SLC30A6: variants seen among roughly 807,000 people sequenced by gnomAD.
SLC30A6 encodes the protein solute carrier family 30 member 6.
In SLC30A6, 55 loss-of-function variants were observed where a neutral mutation model predicts 63.0. That is an observed-to-expected ratio of 0.87 (90% confidence interval 0.70 to 1.09). The LOEUF (loss-of-function observed/expected upper bound fraction) is 1.09. Ranked by LOEUF, SLC30A6 falls within the 50% of genes least tolerant of loss-of-function variation. The pLI, the probability that SLC30A6 is intolerant of heterozygous loss-of-function variation, is 0.00. For synonymous variants in SLC30A6, 224 were observed against 186.1 expected, an observed-to-expected ratio of 1.20 and a Z score of -1.66; for missense variants, 587 against 549.2, an observed-to-expected ratio of 1.07 and a Z score of -0.69.
intron 6 of SLC30A6, 146 bp downstream of exon 6, chr2:32,192,562 C>T (rs923887963): frequency 3.1e-6 from 2 of 645,766 alleles, no homozygotes; most frequent in South Asian, 2.3e-5. Flanking sequence ...CTTTATGTTT[C>T]AGACTTTTTC....
At position 32,220,295 on chromosome 2, in the gene SLC30A6, T is replaced by C; in HGVS notation, c.968T>C (p.Leu323Pro). The part of the protein sequence containing the change: ...LAHVTNRLYT[L>P]VSTLTVQIFK... ...CATGTGACCAACAGGCTGTACACTC[T>C]AGTGTCTACTCTAACTGTTCAAATT... Residue 323 changes from leucine (L) to proline (P), a missense_variant, in exon 14 of 14, where the codon CTA (leucine) becomes CCA (proline). Physicochemically the swap from Leu to Pro is moderately conservative, Grantham distance 98 (BLOSUM62 -3). Transcript: ENST00000282587. 12 of 1,614,230 alleles carry C rather than the reference T, an allele frequency of 7.4e-6. No homozygotes were observed. Among genetic ancestry groups the C allele is most frequent in the Admixed American group, 1.7e-5 (1 of 60,030 alleles).
chr2:32,216,757 GT>G (rs1022433466), intron 13 of SLC30A6, among the ~76,000 whole-genome samples: 28 of 151,644 alleles, frequency 1.8e-4, no homozygotes, highest in Admixed American at 4.6e-4. Context: ...TAATGGGGTT[GT>G]TTTTTGCTTG....
chr2:32,206,836 A>G, intron 11 of SLC30A6, 50 bp from the exon 12 acceptor site: 1 of 1,504,136 alleles, frequency 6.6e-7, no homozygotes, highest in Non-Finnish European at 9.3e-7. Flanking sequence ...CATTGTTGGC[A>G]AACTTTTTTC....
At chr2:32,169,197 A>G (rs1680950089) in intron 1 of SLC30A6, among the ~76,000 whole-genome samples, 1 of 152,092 alleles carries the variant, frequency 6.6e-6, no homozygotes, top group Non-Finnish European at 1.5e-5. Flanking sequence ...TTATTTCGAG[A>G]TGGGGTCTCG....
intron 1 of SLC30A6, among the ~76,000 whole-genome samples, chr2:32,166,587 C>G (rs916789903): frequency 1.3e-5 from 2 of 152,230 alleles, no homozygotes; most frequent in African/African-American, 4.8e-5. Flanking sequence ...ATATATAGCT[C>G]TGAACTTTAA....
chr2:32,182,941 C>A (rs1168172138), intron 4 of SLC30A6, among the ~76,000 whole-genome samples: 4 of 152,266 alleles, frequency 2.6e-5, no homozygotes, highest in Non-Finnish European at 2.9e-5. Context: ...GTAATCCCAG[C>A]CCTTTGGGAG....
At chr2:32,207,231 T>TG (rs1435149961) in intron 12 of SLC30A6, among the ~76,000 whole-genome samples, 1 of 152,128 alleles carries the variant, frequency 6.6e-6, no homozygotes, top group Non-Finnish European at 1.5e-5. Context: ...ATTTTTTTTT[T>TG]GAGACAGTCT....
chr2:32,177,481 G>T, intron 4 of SLC30A6: 1 of 247,526 alleles, frequency 4.0e-6, no homozygotes, highest in South Asian at 3.2e-5. Context: ...TATTAGAGAC[G>T]GGGTTTCACC....
At chr2:32,201,568 C>T in intron 10 of SLC30A6, 2 of 1,300,234 alleles carry the variant, frequency 1.5e-6, no homozygotes, top group Non-Finnish European at 2.1e-6. Flanking sequence ...GTTGTGGCCA[C>T]TGTGCCCGGA....
Position 32,197,830 on chromosome 2 carries a change from A to G in SLC30A6, c.665+4A>G. On this transcript the variant is annotated splice_donor_region_variant and intron_variant, in intron 10 of 13. Transcript: ENST00000282587. ...CATATATGCTCATTGAAATTAAGTG[A>G]GTATTTTTTATTGTTGTCAAGTATG... 6.2e-7 allele frequency: 1 copy of G among 1,613,002 alleles called. No individual in the cohort carries two copies. The highest frequency in any genetic ancestry group is 8.5e-7 in the Non-Finnish European group (1 of 1,179,560).
chr2:32,213,383 G>A (rs1685423909), intron 13 of SLC30A6, among the ~76,000 whole-genome samples: 1 of 140,398 alleles, frequency 7.1e-6, no homozygotes, highest in Admixed American at 7.6e-5. Flanking sequence ...AGCCCTTATT[G>A]CAGACCCAGT....
At chr2:32,169,771 G>A (rs1681028163) in intron 1 of SLC30A6, among the ~76,000 whole-genome samples, 1 of 152,174 alleles carries the variant, frequency 6.6e-6, no homozygotes, top group African/African-American at 2.4e-5. Flanking sequence ...CTGGAACTGA[G>A]GTTCAAGAGA....
intron 4 of SLC30A6, among the ~76,000 whole-genome samples, chr2:32,178,888 A>G (rs1457754046): frequency 6.6e-6 from 1 of 152,106 alleles, no homozygotes; most frequent in Non-Finnish European, 1.5e-5. Flanking sequence ...CTAAACAGGC[A>G]TTCTTTTTTC....
intron 13 of SLC30A6, among the ~76,000 whole-genome samples, chr2:32,216,948 G>T (rs1334435600): frequency 6.6e-6 from 1 of 151,954 alleles, no homozygotes; most frequent in Admixed American, 6.6e-5. Context: ...GAGTGCAGTG[G>T]CATGATCTCA....
At chr2:32,201,721 T>G in intron 10 of SLC30A6, 1 of 1,348,172 alleles carries the variant, frequency 7.4e-7, no homozygotes, top group African/African-American at 1.5e-5. Context: ...GCTAATGGAT[T>G]ATGGACCTGT....
At chr2:32,180,020 G>A (rs1021446050) in intron 4 of SLC30A6, among the ~76,000 whole-genome samples, 4 of 152,080 alleles carry the variant, frequency 2.6e-5, no homozygotes, top group Non-Finnish European at 4.4e-5. Flanking sequence ...TGCTTTGGGA[G>A]GCTGAGGCAG....
chr2:32,198,689 T>C (rs903659232), intron 10 of SLC30A6, among the ~76,000 whole-genome samples: 45 of 152,170 alleles, frequency 3.0e-4, no homozygotes, highest in Non-Finnish European at 4.9e-4. Context: ...GTTCAAGCAA[T>C]TCTCCTGCCT....
chr2:32,182,955 G>A (rs879160864), intron 4 of SLC30A6, among the ~76,000 whole-genome samples: 9 of 152,130 alleles, frequency 5.9e-5, no homozygotes, highest in Admixed American at 2.6e-4. Flanking sequence ...TTGGGAGGCC[G>A]AGGTGGGTGG....
At chr2:32,197,175 C>T in intron 8 of SLC30A6, 169 bp from the exon 9 acceptor site, 1 of 599,534 alleles carries the variant, frequency 1.7e-6, no homozygotes, top group South Asian at 2.3e-5. Context: ...GAATTAGTGG[C>T]ATAAGGGCAT....
Sources: allele counts gnomAD v4.1 joint callset (sites outside exome capture counted in the v4.1 genomes callset), GRCh38; gene constraint gnomAD v4.1.1; transcripts MANE v1.5; gene names NCBI Gene and HGNC (gene_info 2026-07-23, HGNC 2026-07-21).